The following RBMS1 variants were observed in gnomAD, a reference collection of about 807,000 sequenced individuals.
RBMS1 encodes the protein RNA binding motif single stranded interacting protein 1.
In RBMS1, 17 loss-of-function variants were observed where a neutral mutation model predicts 62.3. That is an observed-to-expected ratio of 0.27 (90% CI 0.19 to 0.41). RBMS1 has a LOEUF of 0.41. Ranked by LOEUF, RBMS1 falls within the 10% of genes least tolerant of loss-of-function variation. The probability of loss-of-function intolerance (pLI) is 1.00; values close to 1 mark genes in which losing one functional copy is unlikely to be tolerated. For missense variants in RBMS1, 334 were observed against 504.5 expected (o/e 0.66, Z 3.24); for synonymous variants, 172 against 170.0 (o/e 1.01, Z -0.09).
intron 2 of RBMS1, among the ~76,000 whole-genome samples, chr2:160,322,855 C>T (rs970851882): frequency 2.2e-4 from 33 of 152,088 alleles, no homozygotes; most frequent in African/African-American, 8.0e-4. Flanking sequence ...CAGTATAGAA[C>T]CAGTAGTTTT....
rs192425523 is a variant in RBMS1 at position 160,283,492 on chromosome 2, C to T, written c.900+1283G>A. On this transcript the variant is annotated intron_variant, in intron 9 of 13. Coordinates refer to ENST00000348849, the MANE Select transcript of RBMS1 (RefSeq NM_016836.4). Reference sequence around the variant, plus strand: ...CCCAGAGAGAAAAAAGAAAAGAAAACGAGTGACAACTCAGGGAAAGGAGGC... The same window carrying T: ...CCCAGAGAGAAAAAAGAAAAGAAAATGAGTGACAACTCAGGGAAAGGAGGC... The T allele has an allele frequency of 7.2e-5, 11 of 152,234 alleles. No individual in the cohort carries two copies. The East Asian group carries it at 2.1e-3, about 29-fold the overall frequency. 9.4% of individuals were successfully genotyped at this position (152,234 alleles called of 1,614,324 possible).
chr2:160,378,131 T>C (rs1694095768), intron 1 of RBMS1, among the ~76,000 whole-genome samples: 1 of 139,070 alleles, frequency 7.2e-6, no homozygotes, highest in African/African-American at 2.8e-5. Flanking sequence ...GATATCCAGT[T>C]GCTTGCTTTA....
chr2:160,383,148 A>C (rs1694366184), intron 1 of RBMS1, among the ~76,000 whole-genome samples: 1 of 152,184 alleles, frequency 6.6e-6, no homozygotes, highest in Admixed American at 6.5e-5. Flanking sequence ...AATTCAGGAA[A>C]ACAGAAGTCT....
At chr2:160,304,758 T>C (rs1689408340) in intron 4 of RBMS1, among the ~76,000 whole-genome samples, 1 of 152,206 alleles carries the variant, frequency 6.6e-6, no homozygotes. Context: ...ATGTATGTGT[T>C]TTAAGCTAAA....
intron 1 of RBMS1, among the ~76,000 whole-genome samples, chr2:160,427,057 A>G (rs1014362943): frequency 1.3e-5 from 2 of 152,196 alleles, no homozygotes; most frequent in African/African-American, 4.8e-5. Flanking sequence ...CTTTATCTCT[A>G]ATCAATTTGA....
At chr2:160,357,149 A>T (rs1168394252) in intron 2 of RBMS1, among the ~76,000 whole-genome samples, 2 of 152,132 alleles carry the variant, frequency 1.3e-5, no homozygotes, top group African/African-American at 4.8e-5. Context: ...CAGAAATCCA[A>T]GGCTCATATA....
intron 1 of RBMS1, among the ~76,000 whole-genome samples, chr2:160,370,535 G>A (rs1410265750): frequency 6.6e-6 from 1 of 152,198 alleles, no homozygotes; most frequent in Non-Finnish European, 1.5e-5. Flanking sequence ...AGACAGGCAG[G>A]TAGGTTATTG....
At chr2:160,421,180 T>A (rs1268784787) in intron 1 of RBMS1, among the ~76,000 whole-genome samples, 1 of 151,914 alleles carries the variant, frequency 6.6e-6, no homozygotes, top group African/African-American at 2.4e-5. Context: ...AGTTCTAGGG[T>A]ACATGTGTAC....
At chr2:160,286,492 G>C (rs1688406111) in intron 7 of RBMS1, among the ~76,000 whole-genome samples, 1 of 151,812 alleles carries the variant, frequency 6.6e-6, no homozygotes, top group Non-Finnish European at 1.5e-5. Context: ...GCTAATTTTT[G>C]TATTTTTAGT....
At chr2:160,440,969 AACC>A (rs1414411677) in intron 1 of RBMS1, among the ~76,000 whole-genome samples, 2 of 152,260 alleles carry the variant, frequency 1.3e-5, no homozygotes, top group African/African-American at 4.8e-5. Context: ...ACAGTTGTGT[AACC>A]ACCACTGAAA....
intron 1 of RBMS1, among the ~76,000 whole-genome samples, chr2:160,444,734 G>C (rs908571040): frequency 6.6e-6 from 1 of 152,150 alleles, no homozygotes; most frequent in African/African-American, 2.4e-5. Context: ...AGGTCAAAAG[G>C]CTGGGGCCCT....
chr2:160,272,433 A>T lies in RBMS1; in HGVS notation c.*2339T>A, dbSNP rs1039548215. On this transcript the variant is annotated 3_prime_UTR_variant, in exon 14 of 14. Transcript: ENST00000348849. ...ACAAAAGGTCTTTCTTCATAAATTA[A>T]TTTTTTTATAATTTAATGGCTGTCT... is the stretch of plus-strand genomic sequence containing the variant. 9 of 151,868 alleles carry T rather than the reference A, an allele frequency of 5.9e-5. No homozygotes were observed. The highest frequency in any genetic ancestry group is 1.2e-4 in the African/African-American group (5 of 41,334). The allele number at this position is 151,868 out of a possible 1,614,324, so 9.4% of individuals were successfully genotyped here.
At chr2:160,381,848 C>G (rs1694300631) in intron 1 of RBMS1, among the ~76,000 whole-genome samples, 1 of 152,218 alleles carries the variant, frequency 6.6e-6, no homozygotes, top group South Asian at 2.1e-4. Flanking sequence ...CTTCCTTCCT[C>G]TAATACCAAC....
At chr2:160,296,921 T>G (rs1688965078) in intron 6 of RBMS1, among the ~76,000 whole-genome samples, 1 of 152,258 alleles carries the variant, frequency 6.6e-6, no homozygotes, top group South Asian at 2.1e-4. Flanking sequence ...CCAGCCTGAG[T>G]ATTTGGGATA....
At chr2:160,296,546 A>G (rs1243256017) in intron 6 of RBMS1, among the ~76,000 whole-genome samples, 1 of 152,216 alleles carries the variant, frequency 6.6e-6, no homozygotes, top group African/African-American at 2.4e-5. Context: ...ACTAAACACT[A>G]GTTATACGTG....
At chr2:160,278,744 T>C in intron 10 of RBMS1, 86 bp from the exon 11 acceptor site, 2 of 810,770 alleles carry the variant, frequency 2.5e-6, no homozygotes, top group Non-Finnish European at 3.9e-6. Context: ...GGAAATACCT[T>C]AGTTTGTTTA....
At chr2:160,419,396 T>A (rs1332048289) in intron 1 of RBMS1, among the ~76,000 whole-genome samples, 2 of 152,208 alleles carry the variant, frequency 1.3e-5, no homozygotes, top group African/African-American at 4.8e-5. Context: ...CTGACAGATT[T>A]TTTAAAGTAG....
At chr2:160,367,178 A>C in intron 2 of RBMS1, 38 bp downstream of exon 2, 1 of 1,584,352 alleles carries the variant, frequency 6.3e-7, no homozygotes, top group Middle Eastern at 2.2e-4. Flanking sequence ...TCAAGAAAAT[A>C]CTTAGCAGCT....
chr2:160,304,551 T>C (rs774814685), intron 4 of RBMS1, among the ~76,000 whole-genome samples: 1 of 152,176 alleles, frequency 6.6e-6, no homozygotes, highest in Non-Finnish European at 1.5e-5. Context: ...ACGATGGTGG[T>C]CCTGTAATAG....
Sources: gnomAD v4.1 joint callset for allele counts (sites outside exome capture counted in the v4.1 genomes callset) on GRCh38, gnomAD v4.1.1 for gene constraint, MANE v1.5 for transcripts, NCBI Gene and HGNC (gene_info 2026-07-23, HGNC 2026-07-21) for gene names.